The following MAP2K5 variants were observed in gnomAD, a reference collection of about 807,000 sequenced individuals.
MAP2K5 encodes mitogen-activated protein kinase kinase 5.
In MAP2K5, 49 loss-of-function variants were observed where a neutral mutation model predicts 83.1. The observed-to-expected ratio is 0.59, with a 90% CI of 0.47 to 0.75. The LOEUF (loss-of-function observed/expected upper bound fraction) is 0.75, where lower values mean the gene tolerates loss of function less well. MAP2K5 is among the 30% of genes least tolerant of loss of function. The probability of loss-of-function intolerance (pLI) is 0.00; values close to 1 mark genes in which losing one functional copy is unlikely to be tolerated. For missense variants in MAP2K5, 457 were observed against 557.5 expected (o/e 0.82, Z 1.82); for synonymous variants, 202 against 191.8 (o/e 1.05, Z -0.44).
chr15:67,616,271 C>T (rs2086052835), intron 8 of MAP2K5, among the ~76,000 whole-genome samples: 1 of 152,144 alleles, frequency 6.6e-6, no homozygotes, highest in South Asian at 2.1e-4. Flanking sequence ...TAGCTTTAAC[C>T]AATGCCATGT....
intron 15 of MAP2K5, among the ~76,000 whole-genome samples, chr15:67,699,295 G>A (rs2141210854): frequency 6.6e-6 from 1 of 152,226 alleles, no homozygotes. Context: ...AGTCAGGCAA[G>A]AGGGGCAGCA....
At chr15:67,675,923 A>T (rs1228420366) in intron 13 of MAP2K5, among the ~76,000 whole-genome samples, 1 of 152,172 alleles carries the variant, frequency 6.6e-6, no homozygotes, top group Non-Finnish European at 1.5e-5. Flanking sequence ...AAATAAGGAA[A>T]GACGTCGTGT....
chr15:67,691,081 C>T (rs948435135), intron 13 of MAP2K5, among the ~76,000 whole-genome samples: 2 of 152,194 alleles, frequency 1.3e-5, no homozygotes, highest in Non-Finnish European at 2.9e-5. Context: ...GAGACAGGCT[C>T]TACAGTTCAC....
chr15:67,570,576 G>T (rs1016685870), intron 3 of MAP2K5, among the ~76,000 whole-genome samples: 6 of 152,230 alleles, frequency 3.9e-5, no homozygotes, highest in Non-Finnish European at 7.3e-5. Flanking sequence ...TGGGGCAGTT[G>T]TGTGCTCTGT....
intron 9 of MAP2K5, among the ~76,000 whole-genome samples, chr15:67,634,720 T>C (rs1465357861): frequency 6.6e-6 from 1 of 152,196 alleles, no homozygotes; most frequent in African/African-American, 2.4e-5. Flanking sequence ...ATTTATAGTC[T>C]GATATTAAAT....
At chr15:67,658,837 G>A (rs1044944285) in intron 12 of MAP2K5, 1 of 590,266 alleles carries the variant, frequency 1.7e-6, no homozygotes, top group African/African-American at 1.8e-5. Flanking sequence ...AGTTTCATGT[G>A]TTTGCAGGGA....
At chr15:67,549,007 G>A in intron 1 of MAP2K5, 1 of 1,421,520 alleles carries the variant, frequency 7.0e-7, no homozygotes, top group Non-Finnish European at 9.1e-7. Flanking sequence ...GGAAGTTGCA[G>A]CCACTCTGCT....
chr15:67,693,530 A>G lies in MAP2K5; in HGVS notation c.934A>G (p.Ile312Val). The G allele has an allele frequency of 6.2e-7, 1 of 1,611,970 alleles. No individual in the cohort carries two copies. Among genetic ancestry groups the G allele is most frequent in the Non-Finnish European group, 8.5e-7 (1 of 1,178,748 alleles). ...TTTTGTCTCATAGCTGGTGAATTCT[A>G]TAGCCAAGACGTATGTTGGAACAAA... ...FGVSTQLVNS[I>V]AKTYVGTNAY... is the part of the protein sequence containing the mutation. Residue 312 changes from isoleucine to valine, a missense_variant, in exon 15 of 22, where the codon ATA becomes GTA. Ile to Val is a conservative substitution (Grantham distance 29). Transcript: ENST00000178640.
At chr15:67,628,559 T>C (rs1002131388) in intron 8 of MAP2K5, 10 of 1,103,694 alleles carry the variant, frequency 9.1e-6, no homozygotes, top group Non-Finnish European at 1.2e-5. Flanking sequence ...TATGGAAAAA[T>C]TGAAGTGATT....
chr15:67,711,331 G>A (rs886787743), intron 16 of MAP2K5, among the ~76,000 whole-genome samples: 2 of 152,208 alleles, frequency 1.3e-5, no homozygotes, highest in African/African-American at 4.8e-5. Context: ...TGTTGTGCTT[G>A]TGAAGAAGAG....
Position 67,750,525 on chromosome 15 carries a change from G to A in MAP2K5, c.1134+1924G>A, listed in dbSNP as rs1373693153. Among the ~76,000 whole-genome samples, 1 of 152,178 alleles carries A rather than the reference G, an allele frequency of 6.6e-6. No individual in the cohort carries two copies. The highest frequency in any genetic ancestry group is 1.5e-5 in the Non-Finnish European group (1 of 68,040). On this transcript the variant is annotated intron_variant, in intron 19 of 21. Coordinates refer to ENST00000178640, the MANE Select transcript of MAP2K5 (RefSeq NM_145160.3). This position sits in a 1 kb window ranked among gnomAD's most constrained non-coding sequence, Gnocchi z 4.2. ...TGTGATGCAGTGTTCCTCATAGGGTGGACCAAGGACTGATTGCATCAGAAT... is the reference window on the plus strand; with the variant it reads ...TGTGATGCAGTGTTCCTCATAGGGTAGACCAAGGACTGATTGCATCAGAAT...
intron 8 of MAP2K5, among the ~76,000 whole-genome samples, chr15:67,629,518 A>G (rs1157491259): frequency 6.6e-6 from 1 of 152,212 alleles, no homozygotes; most frequent in Non-Finnish European, 1.5e-5. Context: ...ACAGCAGAAA[A>G]TGATGTTTCC....
In MAP2K5 at chr15:67,806,275, A is replaced by G. The variant is rs185386654; in HGVS notation, c.1243-371A>G. Among the ~76,000 whole-genome samples, 70 of 152,378 alleles carry G rather than the reference A, an allele frequency of 4.6e-4. No individual in the cohort carries two copies. In the East Asian group the frequency reaches 0.013, roughly 28 times the overall value. On this transcript the variant is annotated intron_variant, in intron 21 of 21. Transcript: ENST00000178640. ...CCAACTGAACCGGAAAGCTGGCAAC[A>G]CAGTGCCAGGCCTCGGCTGACTGGC...
rs961160420 is a variant in MAP2K5, at chr15:67,543,148, G to T, written c.-188G>T. ...GACACCTCAGACCCCCGACAGCCTG[G>T]GCAGGCTCGGTGCCTGCGGGTGCGT... is the stretch of plus-strand genomic sequence containing the variant. On this transcript the variant is annotated 5_prime_UTR_variant, in exon 1 of 22. Coordinates refer to ENST00000178640, the MANE Select transcript of MAP2K5 (RefSeq NM_145160.3). The surrounding 1 kb of genome is among the most constrained non-coding windows in gnomAD (Gnocchi z 4.3). The T allele has an allele frequency of 8.2e-6, 5 of 612,204 alleles. No individual in the cohort carries two copies. In the Admixed American group the frequency reaches 1.5e-4, roughly 18 times the overall value. 37.9% of individuals were successfully genotyped at this position (612,204 alleles called of 1,614,324 possible). A position where few individuals can be genotyped will look rare whatever the true frequency, so the allele number is the denominator to read the frequency against.
Position 67,782,646 on chromosome 15 carries a change from C to G in MAP2K5, c.1242+9894C>G, listed in dbSNP as rs1002290500. Among the ~76,000 whole-genome samples the G allele has an allele frequency of 6.6e-6, 1 of 152,230 alleles. No individual in the cohort carries two copies. The highest frequency in any genetic ancestry group is 1.5e-5 in the Non-Finnish European group (1 of 68,040). The stretch of plus-strand genomic sequence containing the variant: ...ACAGGAATTTAAATTTTGTTTCAAT[C>G]AACCCCTGTGCTCACAGCCTGCTCC... On this transcript the variant is annotated intron_variant, in intron 21 of 21. Coordinates refer to ENST00000178640, the MANE Select transcript of MAP2K5 (RefSeq NM_145160.3). The surrounding 1 kb of genome is among the most constrained non-coding windows in gnomAD (Gnocchi z 4.9).
chr15:67,614,754 T>G (rs1420555169), intron 8 of MAP2K5, among the ~76,000 whole-genome samples: 1 of 152,148 alleles, frequency 6.6e-6, no homozygotes, highest in African/African-American at 2.4e-5. Context: ...CCACATTAAC[T>G]CTGAGGCAGG....
chr15:67,704,844 A>T (rs1259564519), intron 16 of MAP2K5, among the ~76,000 whole-genome samples: 1 of 152,220 alleles, frequency 6.6e-6, no homozygotes, highest in Non-Finnish European at 1.5e-5. Flanking sequence ...CATTTATTTT[A>T]TAAATGACTG....
chr15:67,758,131 TTG>T lies in MAP2K5; in HGVS notation c.1134+9534_1134+9535del. Among the ~76,000 whole-genome samples the T allele has an allele frequency of 6.6e-6, 1 of 152,246 alleles. No homozygotes were observed. The highest frequency in any genetic ancestry group is 1.9e-4 in the East Asian group (1 of 5,190). The stretch of plus-strand genomic sequence containing the variant: ...AAGCAAGAGGTCAACGTAGCCAGAT[TTG>T]TGTTTTACACTGTGGCAGTGCTGTG... On this transcript the variant is annotated intron_variant, in intron 19 of 21. Coordinates refer to ENST00000178640, the MANE Select transcript of MAP2K5 (RefSeq NM_145160.3). The surrounding 1 kb of genome is among the most constrained non-coding windows in gnomAD (Gnocchi z 4.7).
At position 67,572,659 on chromosome 15, in the gene MAP2K5, C is replaced by A. The variant is rs2084971910; in HGVS notation, c.253-8095C>A. ...CTACAAGGGTTTGTGATAAAGGATT[C>A]ATTTTCTTAATTACTATATTTTGCA... is the stretch of plus-strand genomic sequence containing the variant. On this transcript the variant is annotated intron_variant, in intron 3 of 21. Transcript: ENST00000178640. This position sits in a 1 kb window ranked among gnomAD's most constrained non-coding sequence, Gnocchi z 4.2. Among the ~76,000 whole-genome samples the A allele has an allele frequency of 6.6e-6, 1 of 151,800 alleles. No individual in the cohort carries two copies. Among genetic ancestry groups the A allele is most frequent in the African/African-American group, 2.4e-5 (1 of 41,312 alleles).
Sources: allele counts gnomAD v4.1 joint callset (sites outside exome capture counted in the v4.1 genomes callset), GRCh38; gene constraint gnomAD v4.1.1; non-coding constraint Gnocchi (gnomAD v3.1); transcripts MANE v1.5; gene names NCBI Gene and HGNC (gene_info 2026-07-23, HGNC 2026-07-21).